The following EPB41 variants were observed in gnomAD, a reference collection of about 807,000 sequenced individuals.
EPB41 encodes protein 4.1.
EPB41 carries 65 observed loss-of-function variants against 108.0 expected under a neutral mutation model. The observed-to-expected ratio is 0.60, with a 90% CI of 0.49 to 0.74. The LOEUF is 0.74. Ranked by LOEUF, EPB41 falls within the 30% of genes least tolerant of loss-of-function variation. The pLI is 0.00. For missense variants in EPB41, 875 were observed against 1,037.0 expected, an observed-to-expected ratio of 0.84 and a Z score of 2.15; for synonymous variants, 336 against 358.9, an observed-to-expected ratio of 0.94 and a Z score of 0.72.
intron 6 of EPB41, among the ~76,000 whole-genome samples, chr1:29,016,792 G>A (rs2096584710): frequency 6.6e-6 from 1 of 152,116 alleles, no homozygotes; most frequent in Admixed American, 6.6e-5. Context: ...CTTATCCACA[G>A]GAGATGCTTG....
At chr1:28,902,140 A>G in intron 1 of EPB41, 1 of 975,956 alleles carries the variant, frequency 1.0e-6, no homozygotes, top group East Asian at 1.1e-4. Flanking sequence ...TTGAGCACAC[A>G]GTAGAATCTC....
intron 1 of EPB41, among the ~76,000 whole-genome samples, chr1:28,976,360 T>C (rs1449980352): frequency 6.6e-6 from 1 of 152,098 alleles, no homozygotes; most frequent in African/African-American, 2.4e-5. Flanking sequence ...GAATCTAATT[T>C]TTTTATTTTT....
chr1:29,030,208 A>G (rs2096771473), intron 7 of EPB41, among the ~76,000 whole-genome samples, 192 bp from the exon 8 acceptor site: 1 of 152,180 alleles, frequency 6.6e-6, no homozygotes, highest in Non-Finnish European at 1.5e-5. Flanking sequence ...TTTCTAAGGT[A>G]TATTTTAATT....
intron 15 of EPB41, 109 bp from the exon 16 acceptor site, chr1:29,064,873 C>T (rs920717488): frequency 2.2e-6 from 3 of 1,351,876 alleles, no homozygotes; most frequent in East Asian, 2.4e-5. Context: ...AACATCTGTC[C>T]TGGATGTGGT....
chr1:28,948,405 A>G (rs2094565847), intron 1 of EPB41, among the ~76,000 whole-genome samples: 1 of 149,810 alleles, frequency 6.7e-6, no homozygotes, highest in Non-Finnish European at 1.5e-5. Flanking sequence ...GCTACTCGGG[A>G]GGCTGAGGCA....
chr1:29,036,658 G>T (rs1304017583), intron 10 of EPB41, among the ~76,000 whole-genome samples: 1 of 149,618 alleles, frequency 6.7e-6, no homozygotes, highest in Non-Finnish European at 1.5e-5. Flanking sequence ...ATACTATAAG[G>T]TTAAAGATGT....
At chr1:28,891,966 G>A (rs1279625894) in intron 1 of EPB41, among the ~76,000 whole-genome samples, 39 of 151,888 alleles carry the variant, frequency 2.6e-4, no homozygotes, top group South Asian at 2.1e-4. Flanking sequence ...GGTGGCAGGC[G>A]TCTATAATCC....
chr1:28,939,055 T>C (rs2094169605), intron 1 of EPB41, among the ~76,000 whole-genome samples: 2 of 152,216 alleles, frequency 1.3e-5, no homozygotes, highest in African/African-American at 4.8e-5. Context: ...ATTCTAGTCT[T>C]ATTCCTGACA....
chr1:28,999,922 C>T (rs901454961), intron 4 of EPB41, among the ~76,000 whole-genome samples: 2 of 151,978 alleles, frequency 1.3e-5, no homozygotes, highest in Non-Finnish European at 1.5e-5. Flanking sequence ...TAGCTGGGAC[C>T]ACAGGCACGC....
intron 2 of EPB41, among the ~76,000 whole-genome samples, chr1:28,992,968 A>G (rs2985327): frequency 0.44 from 67,032 of 152,032 alleles, 17,224 homozygotes; most frequent in East Asian, 0.85. Context: ...GTAAGGCTAC[A>G]TTGCTAAAAT....
At position 28,964,085 on chromosome 1, in the gene EPB41, T is replaced by C. The variant is rs185228877; in HGVS notation, c.-7-23346T>C. On this transcript the variant is annotated intron_variant, in intron 1 of 20. Transcript: ENST00000343067. ...TATTAGTCTATTTCTATTTCCTGTATCCGTTCTCTCTCACACACACATTAA... is the reference window on the plus strand; with the variant it reads ...TATTAGTCTATTTCTATTTCCTGTACCCGTTCTCTCTCACACACACATTAA... Among the ~76,000 whole-genome samples, 572 of 152,304 alleles carry C rather than the reference T, an allele frequency of 3.8e-3. 6 individuals are homozygous for C. Among genetic ancestry groups the C allele is most frequent in the African/African-American group, 0.013 (530 of 41,556 alleles).
intron 1 of EPB41, among the ~76,000 whole-genome samples, chr1:28,940,060 TG>T (rs1571018098): frequency 6.6e-6 from 1 of 152,194 alleles, no homozygotes; most frequent in Non-Finnish European, 1.5e-5. Flanking sequence ...TTCAGTCATC[TG>T]GGGGCTGGCT....
intron 1 of EPB41, among the ~76,000 whole-genome samples, chr1:28,946,257 G>A (rs931604399): frequency 6.6e-6 from 1 of 151,252 alleles, no homozygotes; most frequent in Non-Finnish European, 1.5e-5. Flanking sequence ...GTGCAATGGC[G>A]CAATTTCGGC....
chr1:29,068,598 C>A, intron 16 of EPB41: 1 of 481,268 alleles, frequency 2.1e-6, no homozygotes, highest in Non-Finnish European at 3.3e-6. Context: ...GGTAATTCTA[C>A]TTTCTGGCAT....
chr1:29,105,304 C>T (rs182980368), intron 17 of EPB41, among the ~76,000 whole-genome samples: 2 of 152,284 alleles, frequency 1.3e-5, no homozygotes, highest in East Asian at 3.9e-4. Context: ...GTAGTACCAT[C>T]TCAGCTCACT....
chr1:29,109,209 AAAG>A (rs988831750), intron 17 of EPB41, 124 bp from the exon 18 acceptor site: 1 of 752,670 alleles, frequency 1.3e-6, no homozygotes, highest in Non-Finnish European at 2.3e-6. Context: ...AAAAAAAAAA[AAAG>A]AGGTCATTCT....
chr1:28,983,046 C>G (rs1158972338), intron 1 of EPB41, among the ~76,000 whole-genome samples: 2 of 152,110 alleles, frequency 1.3e-5, no homozygotes, highest in African/African-American at 4.8e-5. Context: ...CTGTCCTAAT[C>G]ATTACTTCCT....
chr1:29,017,976 A>T (rs1357190638), intron 6 of EPB41, among the ~76,000 whole-genome samples: 1 of 151,962 alleles, frequency 6.6e-6, no homozygotes, highest in Non-Finnish European at 1.5e-5. Flanking sequence ...TAGTTACAGT[A>T]TTTTTTTTAA....
chr1:29,060,314 A>T (rs1415470831), intron 14 of EPB41, 108 bp from the exon 15 acceptor site: 1 of 889,506 alleles, frequency 1.1e-6, no homozygotes, highest in African/African-American at 1.7e-5. Flanking sequence ...TGCGCTGTGG[A>T]CATTTATTTT....
Sources: allele counts gnomAD v4.1 joint callset (sites outside exome capture counted in the v4.1 genomes callset), GRCh38; gene constraint gnomAD v4.1.1; transcripts MANE v1.5; gene names NCBI Gene and HGNC (gene_info 2026-07-23, HGNC 2026-07-21).